B3GLCT: variants seen among roughly 807,000 people sequenced by gnomAD.
B3GLCT encodes the protein beta-1,3-glucosyltransferase.
In B3GLCT, 65 loss-of-function variants were observed where a neutral mutation model predicts 63.4. That is an observed-to-expected ratio of 1.03 (90% CI 0.84 to 1.26). The LOEUF is 1.26. B3GLCT is among the 50% of genes most tolerant of loss of function. The pLI, the probability that B3GLCT is intolerant of heterozygous loss-of-function variation, is 0.00. For missense variants in B3GLCT, 577 were observed against 604.8 expected (o/e 0.95, Z 0.48); for synonymous variants, 233 against 219.2 (o/e 1.06, Z -0.55).
intron 6 of B3GLCT, among the ~76,000 whole-genome samples, chr13:31,256,450 C>T: frequency 6.6e-6 from 1 of 152,110 alleles, no homozygotes; most frequent in Non-Finnish European, 1.5e-5. Flanking sequence ...ATAAATCATT[C>T]TACTATAAAG....
At chr13:31,218,475 C>T (rs1251944777) in intron 2 of B3GLCT, among the ~76,000 whole-genome samples, 1 of 152,136 alleles carries the variant, frequency 6.6e-6, no homozygotes, top group Non-Finnish European at 1.5e-5. Context: ...TGTGAGCCAC[C>T]ACGCCGGGCC....
At chr13:31,266,229 A>G (rs763526437) in intron 7 of B3GLCT, among the ~76,000 whole-genome samples, 1 of 151,706 alleles carries the variant, frequency 6.6e-6, no homozygotes, top group Non-Finnish European at 1.5e-5. Flanking sequence ...CGATCTCCTG[A>G]CCTCATGTTT....
At chr13:31,223,288 C>T (rs562926548) in intron 3 of B3GLCT, among the ~76,000 whole-genome samples, 1 of 152,266 alleles carries the variant, frequency 6.6e-6, no homozygotes, top group South Asian at 2.1e-4. Context: ...GCCTGGTGGG[C>T]TCTCTGGGGG....
At chr13:31,249,177 C>G (rs967690752) in intron 6 of B3GLCT, among the ~76,000 whole-genome samples, 10 of 152,254 alleles carry the variant, frequency 6.6e-5, no homozygotes, top group Non-Finnish European at 1.5e-4. Flanking sequence ...CAACAGTGAT[C>G]GTTAGATTAA....
At chr13:31,224,828 CATCAGAAA>C (rs1870013912) in intron 3 of B3GLCT, among the ~76,000 whole-genome samples, 1 of 152,206 alleles carries the variant, frequency 6.6e-6, no homozygotes, top group South Asian at 2.1e-4. Context: ...ATTGGTTTTT[CATCAGAAA>C]AACACCAGCA....
intron 1 of B3GLCT, among the ~76,000 whole-genome samples, chr13:31,211,060 G>T (rs908820701): frequency 1.8e-4 from 28 of 152,090 alleles, no homozygotes; most frequent in Non-Finnish European, 2.6e-4. Flanking sequence ...GTTCCTTGAT[G>T]ATTTCTTTTG....
intron 6 of B3GLCT, among the ~76,000 whole-genome samples, chr13:31,251,581 C>T (rs1034225872): frequency 4.6e-5 from 7 of 152,106 alleles, no homozygotes; most frequent in Non-Finnish European, 1.0e-4. Context: ...ACCCAAGTAC[C>T]AATAGCCGAA....
At chr13:31,230,470 T>C (rs1870321304) in intron 4 of B3GLCT, among the ~76,000 whole-genome samples, 1 of 152,212 alleles carries the variant, frequency 6.6e-6, no homozygotes, top group African/African-American at 2.4e-5. Context: ...GTCAGAAATG[T>C]CAGTGGAAAC....
intron 11 of B3GLCT, among the ~76,000 whole-genome samples, chr13:31,285,582 G>T (rs369134318): frequency 2.1e-4 from 16 of 77,770 alleles, no homozygotes; most frequent in South Asian, 3.8e-4. Context: ...TAGTTTTTTT[G>T]TTCCCCATGC....
chr13:31,302,255 T>C (rs1017111415), intron 12 of B3GLCT, among the ~76,000 whole-genome samples: 3 of 152,220 alleles, frequency 2.0e-5, no homozygotes, highest in African/African-American at 7.2e-5. Flanking sequence ...ACATGTACCA[T>C]GGCCTGGATA....
chr13:31,308,298 A>G (rs1374472364), intron 12 of B3GLCT, among the ~76,000 whole-genome samples: 1 of 53,682 alleles, frequency 1.9e-5, no homozygotes, highest in Non-Finnish European at 4.4e-5. Flanking sequence ...TAACCTGCAC[A>G]ATGTGCACAT....
At chr13:31,326,149 A>G (rs955331215) in intron 14 of B3GLCT, among the ~76,000 whole-genome samples, 7 of 152,160 alleles carry the variant, frequency 4.6e-5, no homozygotes, top group South Asian at 4.1e-4. Context: ...TCATTTTTCA[A>G]TACAGTTATA....
chr13:31,216,042 A>T (rs1869544850), intron 2 of B3GLCT, among the ~76,000 whole-genome samples: 1 of 152,228 alleles, frequency 6.6e-6, no homozygotes, highest in Non-Finnish European at 1.5e-5. Context: ...GCATGTAAAA[A>T]AGGAAACAGT....
chr13:31,323,695 A>G lies in B3GLCT; in HGVS notation c.1185-56A>G, dbSNP rs149020259. The G allele has an allele frequency of 4.1e-4, 657 of 1,606,986 alleles. 1 individual carries two copies. In the African/African-American group the frequency reaches 7.8e-3, roughly 19 times the overall value. ...CCTGTTTCCCGGGGCCCATTTGTGC[A>G]GCAGCGGTGTCTGTGGAGCTTCTCT... is the stretch of plus-strand genomic sequence containing the variant. On this transcript the variant is annotated intron_variant, in intron 13 of 14. Transcript: ENST00000343307.
chr13:31,281,879 A>G (rs1276323844), intron 10 of B3GLCT, among the ~76,000 whole-genome samples: 1 of 152,210 alleles, frequency 6.6e-6, no homozygotes, highest in Non-Finnish European at 1.5e-5. Flanking sequence ...ACAGTTTTAT[A>G]AGTCACCTCC....
Position 31,274,517 on chromosome 13 carries a change from C to T in B3GLCT, c.669C>T (p.Leu223=). 1 of 1,614,218 alleles carries T rather than the reference C, an allele frequency of 6.2e-7. No homozygotes were observed. The highest frequency in any genetic ancestry group is 1.1e-5 in the South Asian group (1 of 91,084). ...FTIDLKHEIA[L]YIWDKGGGPP... ...CTCCTGTCTCGTGGCAGATTGCCCT[C>T]TACATCTGGGACAAAGGCGGAGGAC... The change falls in exon 9 of 15, where the codon CTC becomes CTT. Residue 223 remains leucine, a synonymous_variant. Coordinates refer to ENST00000343307, the MANE Select transcript of B3GLCT (RefSeq NM_194318.4).
At chr13:31,326,198 A>C (rs1240747491) in intron 14 of B3GLCT, among the ~76,000 whole-genome samples, 1 of 148,432 alleles carries the variant, frequency 6.7e-6, no homozygotes, top group Non-Finnish European at 1.5e-5. Context: ...TTTAATCTCC[A>C]TTTGCTGCCC....
At chr13:31,221,605 G>C (rs1258626768) in intron 2 of B3GLCT, among the ~76,000 whole-genome samples, 1 of 152,192 alleles carries the variant, frequency 6.6e-6, no homozygotes, top group Non-Finnish European at 1.5e-5. Context: ...TCGAGACAAA[G>C]ATAATTTCAG....
intron 6 of B3GLCT, among the ~76,000 whole-genome samples, chr13:31,251,270 A>C (rs1450751294): frequency 6.6e-6 from 1 of 152,240 alleles, no homozygotes; most frequent in Non-Finnish European, 1.5e-5. Flanking sequence ...AAACTAGCAC[A>C]AAACGGCTGA....
Sources: gnomAD v4.1 joint callset for allele counts (sites outside exome capture counted in the v4.1 genomes callset) on GRCh38, gnomAD v4.1.1 for gene constraint, MANE v1.5 for transcripts, NCBI Gene and HGNC (gene_info 2026-07-23, HGNC 2026-07-21) for gene names.